The following PHLPP1 variants were observed in gnomAD, a reference collection of about 807,000 sequenced individuals.
The protein encoded by PHLPP1 is PH domain leucine-rich repeat-containing protein phosphatase 1.
PHLPP1 carries 42 observed loss-of-function variants against 117.2 expected under a neutral mutation model. That is an observed-to-expected ratio of 0.36 (90% CI 0.28 to 0.46). The LOEUF (loss-of-function observed/expected upper bound fraction) is 0.46. Ranked by LOEUF, PHLPP1 falls within the 20% of genes least tolerant of loss-of-function variation. The pLI is 1.00. For missense variants in PHLPP1, 2,084 were observed against 2,241.9 expected, an observed-to-expected ratio of 0.93 and a Z score of 1.42; for synonymous variants, 1,042 against 970.7, an observed-to-expected ratio of 1.07 and a Z score of -1.37.
chr18:62,927,441 C>A (rs532374113), intron 10 of PHLPP1, among the ~76,000 whole-genome samples: 404 of 152,056 alleles, frequency 2.7e-3, no homozygotes, highest in Non-Finnish European at 4.7e-3. Flanking sequence ...ACATTCCCAG[C>A]AAAATTAAAT....
At chr18:62,766,104 A>ATAT (rs1289379653) in intron 1 of PHLPP1, among the ~76,000 whole-genome samples, 8 of 40,986 alleles carry the variant, frequency 2.0e-4, no homozygotes, top group Non-Finnish European at 2.8e-4. Flanking sequence ...TATATATATA[A>ATAT]AATATATATA....
chr18:62,801,044 C>G (rs2144300092), intron 1 of PHLPP1, among the ~76,000 whole-genome samples: 1 of 99,686 alleles, frequency 1.0e-5, no homozygotes, highest in South Asian at 4.6e-4. Context: ...TCCCTCCCTC[C>G]CTCCCTCCCT....
chr18:62,905,276 T>A lies in PHLPP1; in HGVS notation c.2700T>A (p.Asp900Glu). ...TTCCAAATTATCTGTCCTACATGGATGTTTCAAGGTAAGAAGTCAAGTCTT... is the reference window on the plus strand; with the variant it reads ...TTCCAAATTATCTGTCCTACATGGAAGTTTCAAGGTAAGAAGTCAAGTCTT... ...YPVPNYLSYM[D>E]VSRNRLENVP... The change falls in exon 8 of 17, where the codon GAT becomes GAA. Residue 900 changes from aspartate to glutamate, a missense_variant. Asp to Glu is a conservative substitution (Grantham distance 45, BLOSUM62 2). This residue lies in a region of PHLPP1 where 1,365 missense variants were observed against 1,605.9 expected (regional missense o/e 0.85). Transcript: ENST00000262719. The A allele has an allele frequency of 1.3e-6, 2 of 1,502,862 alleles. No homozygotes were observed. The highest frequency in any genetic ancestry group is 4.8e-5 in the East Asian group (2 of 42,030). The allele number at this position is 1,502,862 out of a possible 1,614,324, so 93.1% of individuals were successfully genotyped here.
At chr18:62,846,213 A>G (rs986612890) in intron 3 of PHLPP1, among the ~76,000 whole-genome samples, 5 of 146,358 alleles carry the variant, frequency 3.4e-5, no homozygotes, top group Admixed American at 6.8e-5. Context: ...CCATCTCAAA[A>G]AAAAAAAAAA....
At chr18:62,915,126 T>G (rs746461719) in intron 9 of PHLPP1, 118 bp downstream of exon 9, 3 of 694,410 alleles carry the variant, frequency 4.3e-6, no homozygotes, top group South Asian at 3.8e-5. Flanking sequence ...AAAACTAATA[T>G]GGTGTCTTTT....
chr18:62,880,506 T>G (rs540347075), intron 4 of PHLPP1, among the ~76,000 whole-genome samples: 35 of 151,828 alleles, frequency 2.3e-4, no homozygotes, highest in Non-Finnish European at 3.5e-4. Flanking sequence ...TTTAAGGAAT[T>G]TTTTTGTTTT....
At chr18:62,795,987 T>G (rs1038551978) in intron 1 of PHLPP1, among the ~76,000 whole-genome samples, 11 of 152,220 alleles carry the variant, frequency 7.2e-5, no homozygotes, top group African/African-American at 2.7e-4. Flanking sequence ...GCTTCCTAAT[T>G]TCTTGCCATG....
At chr18:62,781,958 C>T (rs1913131986) in intron 1 of PHLPP1, among the ~76,000 whole-genome samples, 1 of 152,204 alleles carries the variant, frequency 6.6e-6, no homozygotes, top group Non-Finnish European at 1.5e-5. Context: ...TGCCAGTTGC[C>T]TCCATCACAA....
At chr18:62,788,241 G>C (rs1248432933) in intron 1 of PHLPP1, among the ~76,000 whole-genome samples, 2 of 152,068 alleles carry the variant, frequency 1.3e-5, no homozygotes, top group Non-Finnish European at 2.9e-5. Flanking sequence ...AGGTGGATCC[G>C]CTTTCACTGC....
At position 62,895,807 on chromosome 18, in the gene PHLPP1, A is replaced by G; in HGVS notation, c.2240A>G (p.Asn747Ser). The change falls in exon 6 of 17, where the codon AAC becomes AGC. Residue 747 changes from asparagine (N) to serine (S), a missense_variant. Asn to Ser is a conservative substitution (Grantham distance 46, BLOSUM62 1). Coordinates refer to ENST00000262719, the MANE Select transcript of PHLPP1 (RefSeq NM_194449.4). The stretch of plus-strand genomic sequence containing the variant: ...TTACAGACATTTTTGTTGGATGGAA[A>G]CTTTCTCCAATCCCTTCCTGCTGAG... ...HNLQTFLLDG[N>S]FLQSLPAELE... 2 of 1,611,958 alleles carry G rather than the reference A, an allele frequency of 1.2e-6. No homozygotes were observed. Among genetic ancestry groups the G allele is most frequent in the Non-Finnish European group, 1.7e-6 (2 of 1,178,028 alleles).
At chr18:62,781,660 AT>A (rs375445528) in intron 1 of PHLPP1, among the ~76,000 whole-genome samples, 100 of 150,012 alleles carry the variant, frequency 6.7e-4, no homozygotes, top group Admixed American at 1.1e-3. Flanking sequence ...GGATAAGATG[AT>A]TTTTTTTTTC....
chr18:62,895,029 T>C lies in PHLPP1; in HGVS notation c.2085T>C (p.Ser695=), dbSNP rs1916516316. The change falls in exon 5 of 17, where the codon AGT becomes AGC. Residue 695 remains serine (S), a synonymous_variant. Coordinates refer to ENST00000262719, the MANE Select transcript of PHLPP1 (RefSeq NM_194449.4). ...NELQRFTKLK[S]LNLSNNHLGD... is the part of the protein sequence containing the mutation. Reference sequence around the variant, plus strand: ...GTAATAGGTTCACCAAGTTGAAGAGTCTTAACCTTTCCAATAATCATTTAG... The same window carrying C: ...GTAATAGGTTCACCAAGTTGAAGAGCCTTAACCTTTCCAATAATCATTTAG... 6 of 1,609,582 alleles carry C rather than the reference T, an allele frequency of 3.7e-6. No individual in the cohort carries two copies. Among genetic ancestry groups the C allele is most frequent in the African/African-American group, 2.7e-5 (2 of 74,816 alleles).
chr18:62,834,235 T>C (rs1233025819), intron 2 of PHLPP1, among the ~76,000 whole-genome samples: 2 of 152,086 alleles, frequency 1.3e-5, no homozygotes, highest in African/African-American at 2.4e-5. Flanking sequence ...GGGCCTTGTA[T>C]GTTTGGATGC....
At chr18:62,844,476 G>A (rs926235301) in intron 3 of PHLPP1, among the ~76,000 whole-genome samples, 3 of 152,060 alleles carry the variant, frequency 2.0e-5, no homozygotes, top group African/African-American at 7.2e-5. Context: ...ATATTCTGAA[G>A]TAGAGATAAT....
chr18:62,738,902 GA>G (rs1911443826), intron 1 of PHLPP1, among the ~76,000 whole-genome samples: 1 of 152,198 alleles, frequency 6.6e-6, no homozygotes, highest in Admixed American at 6.5e-5. Context: ...GATATGGTGT[GA>G]ACTAGACCAA....
intron 3 of PHLPP1, among the ~76,000 whole-genome samples, chr18:62,840,535 T>C (rs759194538): frequency 6.6e-6 from 1 of 152,188 alleles, no homozygotes; most frequent in Non-Finnish European, 1.5e-5. Context: ...AATTTATCAT[T>C]TTTATTGTGC....
At chr18:62,761,822 G>T (rs1912251798) in intron 1 of PHLPP1, among the ~76,000 whole-genome samples, 1 of 151,974 alleles carries the variant, frequency 6.6e-6, no homozygotes, top group Non-Finnish European at 1.5e-5. Flanking sequence ...TGGCCAGGTT[G>T]GTCTTGAACT....
chr18:62,803,835 A>G (rs1245415553), intron 1 of PHLPP1, among the ~76,000 whole-genome samples: 2 of 152,208 alleles, frequency 1.3e-5, no homozygotes, highest in East Asian at 1.9e-4. Context: ...TTATTGCTTC[A>G]CATCCTTGTC....
Position 62,766,076 on chromosome 18 carries a change from A to AAAAATTTAT in PHLPP1, c.1576+48818_1576+48819insAAATTTATA. On this transcript the variant is annotated intron_variant, in intron 1 of 16. Coordinates refer to ENST00000262719, the MANE Select transcript of PHLPP1 (RefSeq NM_194449.4). ...ACTCCATCTCAAAAAAAAAAAAAAA[A>AAAAATTTAT]ATATATATATATATATATATATATA... 6.5e-4 allele frequency among the ~76,000 whole-genome samples: 14 copies of AAAAATTTAT among 21,662 alleles called. 3 individuals carry two copies. Among genetic ancestry groups the AAAAATTTAT allele is most frequent in the African/African-American group, 2.1e-3 (14 of 6,722 alleles). 14.2% of individuals were successfully genotyped at this position (21,662 alleles called of 152,430 possible).
Sources: gnomAD v4.1 joint callset for allele counts (sites outside exome capture counted in the v4.1 genomes callset) on GRCh38, gnomAD v4.1.1 for gene constraint, gnomAD v4.1.1 regional missense constraint, MANE v1.5 for transcripts, NCBI Gene and HGNC (gene_info 2026-07-23, HGNC 2026-07-21) for gene names.